Variants in SORL1 observed in about 807,000 individuals in gnomAD.
SORL1 encodes the protein sortilin related receptor 1.
In SORL1, 127 loss-of-function variants were observed where a neutral mutation model predicts 273.7. The ratio of observed to expected loss-of-function variants is 0.46; its 90% CI spans 0.40 to 0.54. The LOEUF (loss-of-function observed/expected upper bound fraction) is 0.54. Among genes scored for constraint, SORL1 ranks in the 20% least tolerant of loss-of-function variants. SORL1 has a pLI of 0.00. For synonymous variants in SORL1, 1,031 were observed against 1,067.4 expected (o/e 0.97, Z 0.66); for missense variants, 2,494 against 2,846.1 (o/e 0.88, Z 2.81).
chr11:121,491,247 A>G (rs1861548505), intron 5 of SORL1, among the ~76,000 whole-genome samples: 1 of 152,214 alleles, frequency 6.6e-6, no homozygotes. Flanking sequence ...TCTGAAAGCA[A>G]TGAGGTACCC....
At chr11:121,467,545 T>G (rs1205875850) in intron 1 of SORL1, among the ~76,000 whole-genome samples, 1 of 152,124 alleles carries the variant, frequency 6.6e-6, no homozygotes, top group Non-Finnish European at 1.5e-5. Flanking sequence ...GGTGATTTTT[T>G]TTTTCTAGGT....
intron 25 of SORL1, among the ~76,000 whole-genome samples, chr11:121,577,702 G>T (rs1267652019): frequency 2.6e-5 from 4 of 152,174 alleles, no homozygotes; most frequent in Non-Finnish European, 4.4e-5. Flanking sequence ...CCAGCCCCTC[G>T]GCTGGGGTCC....
At chr11:121,600,688 G>GT (rs1565350391) in intron 32 of SORL1, among the ~76,000 whole-genome samples, 2 of 152,112 alleles carry the variant, frequency 1.3e-5, no homozygotes, top group Admixed American at 1.3e-4. Context: ...TATATCCACG[G>GT]TTTTTTTCCA....
rs140814048 is a variant in SORL1 at position 121,606,946 on chromosome 11, C to T, written c.5050C>T (p.Arg1684Cys). 3.7e-5 allele frequency: 59 copies of T among 1,609,834 alleles called. No homozygotes were observed. The highest frequency in any genetic ancestry group is 4.2e-5 in the Non-Finnish European group (49 of 1,176,164). ...APPIHTHGLI[R>C]EYIVEYSRSG... ...TCCCATCCACACCCATGGCCTCATC[C>T]GTGAGTACATTGTAAGTACCTTCCA... is the stretch of plus-strand genomic sequence containing the variant. The change falls in exon 36 of 48, where the codon CGT (arginine) becomes TGT (cysteine). Residue 1684 changes from arginine to cysteine, a missense_variant. Physicochemically the swap from Arg to Cys is radical, Grantham distance 180. Around this residue, in one of 3 missense-constraint regions of SORL1, gnomAD observed 1,609 missense variants for 1,816.4 expected, o/e 0.89. Coordinates refer to ENST00000260197, the MANE Select transcript of SORL1 (RefSeq NM_003105.6).
chr11:121,513,498 A>C (rs2134845228), intron 7 of SORL1, among the ~76,000 whole-genome samples: 1 of 152,344 alleles, frequency 6.6e-6, no homozygotes, highest in Non-Finnish European at 1.5e-5. Flanking sequence ...ACCTTTTAGA[A>C]ACAGGCTGGA....
intron 6 of SORL1, among the ~76,000 whole-genome samples, 196 bp downstream of exon 6, chr11:121,497,245 G>A (rs1016500262): frequency 3.9e-5 from 6 of 152,306 alleles, no homozygotes; most frequent in African/African-American, 1.2e-4. Flanking sequence ...GAAGTCAGAG[G>A]AGTGGAGAGG....
intron 41 of SORL1, among the ~76,000 whole-genome samples, chr11:121,615,418 C>T (rs2134939264): frequency 6.6e-6 from 1 of 152,156 alleles, no homozygotes; most frequent in Middle Eastern, 3.4e-3. Context: ...GAAAATCCTC[C>T]CTTCTATAGT....
At chr11:121,618,292 C>G (rs1428756147) in intron 41 of SORL1, among the ~76,000 whole-genome samples, 1 of 152,136 alleles carries the variant, frequency 6.6e-6, no homozygotes, top group Non-Finnish European at 1.5e-5. Flanking sequence ...TGTCTGCTCT[C>G]CTTCCCTCCC....
chr11:121,577,794 T>G (rs1240047851), intron 25 of SORL1, among the ~76,000 whole-genome samples: 1 of 152,188 alleles, frequency 6.6e-6, no homozygotes, highest in Admixed American at 6.5e-5. Flanking sequence ...AAATGTAAAC[T>G]GTGTTTGTAC....
chr11:121,620,368 T>G (rs1863705839), intron 43 of SORL1, among the ~76,000 whole-genome samples: 1 of 152,198 alleles, frequency 6.6e-6, no homozygotes, highest in African/African-American at 2.4e-5. Context: ...CCTACAGTAT[T>G]ACTGTGTGTG....
rs923943168 is a variant in SORL1, at chr11:121,630,064, T to C, written c.*501T>C. On this transcript the variant is annotated 3_prime_UTR_variant, in exon 48 of 48. Coordinates refer to ENST00000260197, the MANE Select transcript of SORL1 (RefSeq NM_003105.6). ...ATTTTGTTAATTTATTGGGACTCTG[T>C]GTAAGGCCAGGCTTTAGTGGTCATT... is the stretch of plus-strand genomic sequence containing the variant. 6.2e-6 allele frequency: 1 copy of C among 161,286 alleles called. No homozygotes were observed. Among genetic ancestry groups the C allele is most frequent in the Non-Finnish European group, 1.4e-5 (1 of 73,524 alleles). The allele number at this position is 161,286 out of a possible 1,614,324, so 10.0% of individuals were successfully genotyped here. A position where few individuals can be genotyped will look rare whatever the true frequency, so the allele number is the denominator to read the frequency against.
chr11:121,564,807 G>C (rs941974134), intron 21 of SORL1, among the ~76,000 whole-genome samples: 3 of 151,908 alleles, frequency 2.0e-5, no homozygotes, highest in Non-Finnish European at 4.4e-5. Context: ...TCCTGGGCTC[G>C]AGTGATCCTC....
At chr11:121,465,559 G>A (rs1212490646) in intron 1 of SORL1, among the ~76,000 whole-genome samples, 2 of 151,030 alleles carry the variant, frequency 1.3e-5, no homozygotes, top group Non-Finnish European at 3.0e-5. Context: ...ACGGAGTCTC[G>A]CTCTGTCGCC....
At chr11:121,571,927 G>A (rs1010618293) in intron 23 of SORL1, among the ~76,000 whole-genome samples, 6 of 152,228 alleles carry the variant, frequency 3.9e-5, no homozygotes, top group African/African-American at 1.4e-4. Context: ...TTGCAGGAAG[G>A]TGTGATATTT....
intron 30 of SORL1, chr11:121,590,393 G>C: frequency 1.9e-6 from 1 of 537,642 alleles, no homozygotes; most frequent in South Asian, 2.4e-5. Context: ...GCAGGGCAGA[G>C]TGAGAAGTCT....
Position 121,627,489 on chromosome 11 carries a change from G to A in SORL1, c.6365-66G>A. 1 of 1,352,944 alleles carries A rather than the reference G, an allele frequency of 7.4e-7. No individual in the cohort carries two copies. The allele number at this position is 1,352,944 out of a possible 1,614,324, so 83.8% of individuals were successfully genotyped here. The stretch of plus-strand genomic sequence containing the variant: ...AGCTTTTTTTGGTGGGTGGGGCCTT[G>A]AGGAGTCATCTGGTCTGTTCTCCTG... On this transcript the variant is annotated intron_variant, in intron 46 of 47. Coordinates refer to ENST00000260197, the MANE Select transcript of SORL1 (RefSeq NM_003105.6). This position sits in a 1 kb window ranked among gnomAD's most constrained non-coding sequence, Gnocchi z 4.9.
intron 11 of SORL1, among the ~76,000 whole-genome samples, chr11:121,530,200 G>T (rs1340202599): frequency 3.3e-5 from 5 of 152,174 alleles, no homozygotes; most frequent in Admixed American, 3.3e-4. Flanking sequence ...GAATTTCAAA[G>T]AACTTAAATA....
intron 1 of SORL1, among the ~76,000 whole-genome samples, chr11:121,464,454 T>C (rs3781825): frequency 0.11 from 17,003 of 152,232 alleles, 1,103 homozygotes; most frequent in African/African-American, 0.18. Flanking sequence ...CAGTGCCTAC[T>C]TCATCCGCAA....
At chr11:121,568,073 G>T (rs1862779512) in intron 22 of SORL1, among the ~76,000 whole-genome samples, 1 of 151,898 alleles carries the variant, frequency 6.6e-6, no homozygotes. Context: ...CTTTTATAGG[G>T]ACGAGGTCTC....
Sources: allele counts gnomAD v4.1 joint callset (sites outside exome capture counted in the v4.1 genomes callset), GRCh38; gene constraint gnomAD v4.1.1; regional missense constraint gnomAD v4.1.1; non-coding constraint Gnocchi (gnomAD v3.1); transcripts MANE v1.5; gene names NCBI Gene and HGNC (gene_info 2026-07-23, HGNC 2026-07-21).